Variants in MAST4 observed in about 807,000 individuals in gnomAD.
MAST4 encodes the protein microtubule associated serine/threonine kinase family member 4, also known as microtubule-associated serine/threonine-protein kinase 4.
MAST4 carries 89 observed loss-of-function variants against 162.7 expected under a neutral mutation model. The ratio of observed to expected loss-of-function variants is 0.55; its 90% confidence interval spans 0.46 to 0.65. The LOEUF (loss-of-function observed/expected upper bound fraction) is 0.65. Among genes scored for constraint, MAST4 ranks in the 30% least tolerant of loss-of-function variants. The pLI, the probability that MAST4 is intolerant of heterozygous loss-of-function variation, is 0.00. For missense variants in MAST4, 3,153 were observed against 3,374.0 expected (o/e 0.93, Z 1.62); for synonymous variants, 1,479 against 1,361.1 (o/e 1.09, Z -1.91).
intron 4 of MAST4, among the ~76,000 whole-genome samples, chr5:66,945,640 A>G (rs1020968492): frequency 6.6e-6 from 1 of 152,138 alleles, no homozygotes; most frequent in Non-Finnish European, 1.5e-5. Context: ...TGCTGGAGGT[A>G]GGTGAAGGCA....
chr5:66,689,709 T>C (rs1185049635), intron 1 of MAST4, among the ~76,000 whole-genome samples: 1 of 152,184 alleles, frequency 6.6e-6, no homozygotes, highest in Non-Finnish European at 1.5e-5. Flanking sequence ...AAATAACATC[T>C]CCAGTGACTA....
chr5:66,759,532 G>A lies in MAST4; in HGVS notation c.364-177G>A, dbSNP rs569379767. Among the ~76,000 whole-genome samples the A allele has an allele frequency of 7.9e-5, 12 of 152,230 alleles. No homozygotes were observed. The South Asian group carries it at 2.3e-3, about 29-fold the overall frequency. Reference sequence around the variant, plus strand: ...TTTGCAGCAAGCCAGACTCTCTTTCGGAAGGAAGATGTGACAGTGAAATTC... The same window carrying A: ...TTTGCAGCAAGCCAGACTCTCTTTCAGAAGGAAGATGTGACAGTGAAATTC... On this transcript the variant is annotated intron_variant, in intron 1 of 28. Coordinates refer to ENST00000403625, the MANE Select transcript of MAST4 (RefSeq NM_001164664.2).
intron 5 of MAST4, among the ~76,000 whole-genome samples, chr5:67,065,454 G>T (rs1760119930): frequency 6.6e-6 from 1 of 152,180 alleles, no homozygotes; most frequent in Admixed American, 6.5e-5. Context: ...TGGTGAGAGA[G>T]TGTGGATTTG....
intron 1 of MAST4, among the ~76,000 whole-genome samples, chr5:66,741,828 A>G (rs929276517): frequency 1.3e-5 from 2 of 152,314 alleles, no homozygotes; most frequent in African/African-American, 2.4e-5. Flanking sequence ...TCAGATGGGT[A>G]TGTCTCCTAA....
chr5:66,714,605 T>G (rs1238106892), intron 1 of MAST4, among the ~76,000 whole-genome samples: 2 of 152,260 alleles, frequency 1.3e-5, no homozygotes, highest in Non-Finnish European at 2.9e-5. Flanking sequence ...CAAATCTTGT[T>G]TCTCCACTGA....
intron 1 of MAST4, among the ~76,000 whole-genome samples, chr5:66,748,679 AG>A (rs1752945028): frequency 6.6e-6 from 1 of 151,668 alleles, no homozygotes; most frequent in Non-Finnish European, 1.5e-5. Flanking sequence ...TAGTAGAGAC[AG>A]GGTTTCACCA....
rs759047418 is a variant in MAST4 at position 67,153,482 on chromosome 5, T to G, written c.3550T>G (p.Cys1184Gly). The change falls in exon 26 of 29, where the codon TGC (cysteine) becomes GGC (glycine). Residue 1184 changes from cysteine (C) to glycine (G), a missense_variant. Around this residue, in one of 7 missense-constraint regions of MAST4, gnomAD observed 619 missense variants for 744.2 expected, o/e 0.83. Coordinates refer to ENST00000403625, the MANE Select transcript of MAST4 (RefSeq NM_001164664.2). ...VWNVEEGSPACQAGLKAGDLI... is the reference protein window; with the variant it reads ...VWNVEEGSPAGQAGLKAGDLI... The stretch of plus-strand genomic sequence containing the variant: ...GAATGTAGAAGAAGGAAGTCCGGCA[T>G]GCCAGGCAGGACTGAAGGCTGGAGA... 1.4e-5 allele frequency: 23 copies of G among 1,604,702 alleles called. No homozygotes were observed. The highest frequency in any genetic ancestry group is 2.3e-5 in the South Asian group (2 of 88,832).
At chr5:67,037,870 AT>A (rs11384871) in intron 4 of MAST4, among the ~76,000 whole-genome samples, 2 of 150,932 alleles carry the variant, frequency 1.3e-5, no homozygotes, top group East Asian at 1.9e-4. Context: ...TTGCCCAGGG[AT>A]TTTTTTTTCT....
Position 67,163,156 on chromosome 5 carries a change from C to T in MAST4, c.3977C>T (p.Ser1326Phe). 1 of 1,601,628 alleles carries T rather than the reference C, an allele frequency of 6.2e-7. No individual in the cohort carries two copies. The highest frequency in any genetic ancestry group is 8.5e-7 in the Non-Finnish European group (1 of 1,170,364). The change falls in exon 29 of 29, where the codon TCC becomes TTC. Residue 1326 changes from serine to phenylalanine, a missense_variant. Around this residue, in one of 7 missense-constraint regions of MAST4, gnomAD observed 619 missense variants for 744.2 expected, o/e 0.83. Coordinates refer to ENST00000403625, the MANE Select transcript of MAST4 (RefSeq NM_001164664.2). This position sits in a 1 kb window ranked among gnomAD's most constrained non-coding sequence, Gnocchi z 7.0. ...STPDFPSGTN[S>F]SQSSSPSSSA... ...TGTTTTCCATCCACAGGTACTAATT[C>T]CTCCCAGAGCAGCTCCCCTAGTTCT...
At chr5:66,956,592 C>T (rs1029032331) in intron 4 of MAST4, among the ~76,000 whole-genome samples, 16 of 152,210 alleles carry the variant, frequency 1.1e-4, no homozygotes, top group African/African-American at 3.4e-4. Context: ...TATCAGTTTT[C>T]AAGATTACTG....
intron 1 of MAST4, among the ~76,000 whole-genome samples, chr5:66,719,779 T>C (rs891458597): frequency 5.9e-5 from 9 of 152,228 alleles, no homozygotes; most frequent in African/African-American, 1.7e-4. Context: ...TACTACATTG[T>C]TGAAACAAAA....
chr5:67,094,028 T>C, intron 6 of MAST4: 1 of 511,326 alleles, frequency 2.0e-6, no homozygotes, highest in Non-Finnish European at 3.3e-6. Context: ...ACATTTTCAG[T>C]TGTTTAAAAG....
At chr5:66,863,671 G>C (rs1227628130) in intron 3 of MAST4, among the ~76,000 whole-genome samples, 1 of 152,128 alleles carries the variant, frequency 6.6e-6, no homozygotes, top group Non-Finnish European at 1.5e-5. Context: ...GTCTGGTTGG[G>C]TTCAGCCCCA....
chr5:67,141,402 T>C (rs1581700056), intron 19 of MAST4, among the ~76,000 whole-genome samples: 1 of 152,270 alleles, frequency 6.6e-6, no homozygotes, highest in East Asian at 1.9e-4. Flanking sequence ...TTATATGGGG[T>C]ATGGTGTTCA....
At chr5:67,096,880 A>G (rs1764523919) in intron 7 of MAST4, among the ~76,000 whole-genome samples, 1 of 152,174 alleles carries the variant, frequency 6.6e-6, no homozygotes, top group Non-Finnish European at 1.5e-5. Context: ...AAGTAGTTTC[A>G]GAGGCATATC....
chr5:66,608,355 CTTTTTTTTTTTTTTTTTTT>C (rs72272071), intron 1 of MAST4, among the ~76,000 whole-genome samples: 1 of 44,416 alleles, frequency 2.3e-5, no homozygotes, highest in Non-Finnish European at 4.0e-5. Context: ...TGTGCCTGGC[CTTTTTTTTTTTTTTTTTTT>C]TTTTTTTTTT....
At chr5:66,837,894 A>ATATATATATT (rs1554057455) in intron 3 of MAST4, among the ~76,000 whole-genome samples, 2 of 53,712 alleles carry the variant, frequency 3.7e-5, no homozygotes, top group African/African-American at 1.0e-4. Context: ...ATATATATAT[A>ATATATATATT]TTTTTTTTTT....
intron 1 of MAST4, among the ~76,000 whole-genome samples, chr5:66,642,468 G>T (rs1268593194): frequency 6.6e-6 from 1 of 152,128 alleles, no homozygotes; most frequent in African/African-American, 2.4e-5. Context: ...TTGATATTAA[G>T]GAATTACTAT....
intron 4 of MAST4, among the ~76,000 whole-genome samples, chr5:67,045,866 T>A (rs469317): frequency 0.51 from 77,666 of 152,064 alleles, 21,653 homozygotes; most frequent in African/African-American, 0.75. Context: ...TTCCAGGAAC[T>A]TGAAGATAAT....
Sources: allele counts gnomAD v4.1 joint callset (sites outside exome capture counted in the v4.1 genomes callset), GRCh38; gene constraint gnomAD v4.1.1; regional missense constraint gnomAD v4.1.1; non-coding constraint Gnocchi (gnomAD v3.1); transcripts MANE v1.5; gene names NCBI Gene and HGNC (gene_info 2026-07-23, HGNC 2026-07-21).